KIAA1549L: variants seen among roughly 807,000 people sequenced by gnomAD.
The protein encoded by KIAA1549L is UPF0606 protein KIAA1549L.
In KIAA1549L, 88 loss-of-function variants were observed where a neutral mutation model predicts 160.7. That is an observed-to-expected ratio of 0.55 (90% CI 0.46 to 0.65). KIAA1549L has a LOEUF of 0.65. Ranked by LOEUF, KIAA1549L falls within the 30% of genes least tolerant of loss-of-function variation. The pLI, the probability that KIAA1549L is intolerant of heterozygous loss-of-function variation, is 0.00. For missense variants in KIAA1549L, 2,258 were observed against 2,437.5 expected (o/e 0.93, Z 1.55); for synonymous variants, 950 against 976.7 (o/e 0.97, Z 0.51).
chr11:33,645,407 C>T (rs967280141), intron 16 of KIAA1549L, among the ~76,000 whole-genome samples: 2 of 152,074 alleles, frequency 1.3e-5, no homozygotes, highest in African/African-American at 2.4e-5. Flanking sequence ...TCGGTGAAAG[C>T]CATTTCTCGA....
At chr11:33,441,992 G>GC in intron 1 of KIAA1549L, among the ~76,000 whole-genome samples, 1 of 152,144 alleles carries the variant, frequency 6.6e-6, no homozygotes. Context: ...TGAAGTCCTT[G>GC]CCCATGCCTA....
intron 1 of KIAA1549L, among the ~76,000 whole-genome samples, chr11:33,533,588 A>G (rs934452103): frequency 1.3e-5 from 2 of 152,224 alleles, no homozygotes. Context: ...TGTGGAAGTT[A>G]TTAAGCCTGA....
chr11:33,601,782 G>T (rs1348120026), intron 13 of KIAA1549L, among the ~76,000 whole-genome samples: 8 of 152,174 alleles, frequency 5.3e-5, no homozygotes, highest in Admixed American at 5.2e-4. Context: ...ATGTAAAAAA[G>T]AACTTTGAAA....
rs1350038317 is a variant in KIAA1549L at position 33,551,218 on chromosome 11, C to T, written c.3680C>T (p.Pro1227Leu). ...HLQSVAVLAS[P>L]WNPQPAGYFQ... ...CAGTCTGTGGCAGTACTTGCCTCCC[C>T]ATGGAATCCCCAGCCTGCAGGCTAC... Residue 1227 changes from proline to leucine, a missense_variant, in exon 5 of 21, where the codon CCA becomes CTA. Around this residue, in one of 6 missense-constraint regions of KIAA1549L, gnomAD observed 1,359 missense variants for 1,546.6 expected, o/e 0.88. Transcript: ENST00000658780. The T allele has an allele frequency of 1.2e-6, 2 of 1,613,712 alleles. No individual in the cohort carries two copies. The highest frequency in any genetic ancestry group is 1.7e-4 in the Middle Eastern group (1 of 5,844).
At chr11:33,430,011 C>A (rs914236923) in intron 1 of KIAA1549L, among the ~76,000 whole-genome samples, 10 of 114,514 alleles carry the variant, frequency 8.7e-5, no homozygotes, top group Non-Finnish European at 1.3e-4. Context: ...TCTGCCCTCC[C>A]TTCCTTCCTT....
intron 10 of KIAA1549L, among the ~76,000 whole-genome samples, chr11:33,576,197 G>A (rs555514805): frequency 1.2e-4 from 19 of 152,314 alleles, no homozygotes; most frequent in African/African-American, 3.8e-4. Flanking sequence ...GCTCATGTCC[G>A]TGTTGCCTAA....
intron 1 of KIAA1549L, among the ~76,000 whole-genome samples, chr11:33,402,402 C>G (rs949853224): frequency 1.3e-5 from 2 of 152,202 alleles, no homozygotes; most frequent in African/African-American, 4.8e-5. Flanking sequence ...CCCCTGTGGT[C>G]TCTCATCTGG....
At chr11:33,498,520 A>G (rs143102615) in intron 1 of KIAA1549L, among the ~76,000 whole-genome samples, 4 of 152,274 alleles carry the variant, frequency 2.6e-5, no homozygotes, top group South Asian at 2.1e-4. Flanking sequence ...TGGTTCCACT[A>G]TGTTGCTAAC....
In KIAA1549L at chr11:33,395,166, A is replaced by T. The variant is rs1042877771; in HGVS notation, c.238+18277A>T. Among the ~76,000 whole-genome samples, 6 of 152,336 alleles carry T rather than the reference A, an allele frequency of 3.9e-5. No individual in the cohort carries two copies. The South Asian group carries it at 1.2e-3, about 32-fold the overall frequency. On this transcript the variant is annotated intron_variant, in intron 1 of 20. Coordinates refer to ENST00000658780, the MANE Select transcript of KIAA1549L (RefSeq NM_012194.3). ...AGGAAACCTAGGTTCAAATCACTAT[A>T]ATGTCAACTCTAGCAGGACAGGAAC...
chr11:33,637,503 A>G (rs1851467691), intron 16 of KIAA1549L, among the ~76,000 whole-genome samples: 3 of 152,222 alleles, frequency 2.0e-5, no homozygotes, highest in African/African-American at 7.2e-5. Context: ...TGTCCTGACA[A>G]TTAGGGCTTC....
At chr11:33,560,718 T>C (rs1346896666) in intron 7 of KIAA1549L, among the ~76,000 whole-genome samples, 2 of 152,338 alleles carry the variant, frequency 1.3e-5, no homozygotes, top group East Asian at 3.9e-4. Context: ...GGCAAGTTTA[T>C]TTTTTAATAC....
chr11:33,461,329 C>T (rs960644456), intron 1 of KIAA1549L, among the ~76,000 whole-genome samples: 3 of 152,148 alleles, frequency 2.0e-5, no homozygotes, highest in African/African-American at 4.8e-5. Context: ...ACAGCAGCAC[C>T]GCATGGTAGC....
chr11:33,551,423 C>T (rs1029481237), intron 5 of KIAA1549L, among the ~76,000 whole-genome samples, 164 bp downstream of exon 5: 1 of 152,222 alleles, frequency 6.6e-6, no homozygotes, highest in Non-Finnish European at 1.5e-5. Context: ...GTTCCTTGCA[C>T]ATCAGCCTAA....
At chr11:33,499,135 T>C (rs1385841960) in intron 1 of KIAA1549L, among the ~76,000 whole-genome samples, 2 of 152,230 alleles carry the variant, frequency 1.3e-5, no homozygotes, top group Non-Finnish European at 2.9e-5. Flanking sequence ...TCCTTCCTCT[T>C]TCCCATTTCA....
chr11:33,449,434 A>C (rs1168381984), intron 1 of KIAA1549L, among the ~76,000 whole-genome samples: 10 of 152,188 alleles, frequency 6.6e-5, no homozygotes, highest in Admixed American at 6.5e-4. Flanking sequence ...CAAGTCAATG[A>C]GACTATTGAG....
At chr11:33,482,661 C>G (rs1334261611) in intron 1 of KIAA1549L, among the ~76,000 whole-genome samples, 1 of 149,288 alleles carries the variant, frequency 6.7e-6, no homozygotes, top group Non-Finnish European at 1.5e-5. Flanking sequence ...CCTCCACTTT[C>G]CAGGTTCCAG....
At chr11:33,606,862 A>G in intron 14 of KIAA1549L, 40 bp downstream of exon 14, 1 of 1,527,354 alleles carries the variant, frequency 6.5e-7, no homozygotes, top group Non-Finnish European at 8.8e-7. Context: ...TGGTCCGGCC[A>G]GACTTGGGAA....
chr11:33,538,146 G>C (rs1430634741), intron 1 of KIAA1549L, among the ~76,000 whole-genome samples: 1 of 152,160 alleles, frequency 6.6e-6, no homozygotes, highest in Non-Finnish European at 1.5e-5. Context: ...TGAGTGAAGT[G>C]GGGAGAGCCC....
chr11:33,412,971 C>A (rs1850812821), intron 1 of KIAA1549L, among the ~76,000 whole-genome samples: 1 of 152,062 alleles, frequency 6.6e-6, no homozygotes. Context: ...AATGAATATA[C>A]TGCACTTTCA....
Sources: gnomAD v4.1 joint callset for allele counts (sites outside exome capture counted in the v4.1 genomes callset) on GRCh38, gnomAD v4.1.1 for gene constraint, gnomAD v4.1.1 regional missense constraint, MANE v1.5 for transcripts, NCBI Gene and HGNC (gene_info 2026-07-23, HGNC 2026-07-21) for gene names.